HS6ST3: variants seen among roughly 807,000 people sequenced by gnomAD.
HS6ST3 encodes the protein heparan sulfate 6-O-sulfotransferase 3.
Under a neutral mutation model 36.7 loss-of-function variants are expected in HS6ST3, and 12 were observed. The observed-to-expected ratio is 0.33, with a 90% CI of 0.21 to 0.53. The LOEUF (loss-of-function observed/expected upper bound fraction) is 0.53, where lower values mean the gene tolerates loss of function less well. Ranked by LOEUF, HS6ST3 falls within the 20% of genes least tolerant of loss-of-function variation. The pLI is 0.95. For synonymous variants in HS6ST3, 240 were observed against 257.5 expected (o/e 0.93, Z 0.65); for missense variants, 584 against 640.9 (o/e 0.91, Z 0.96).
intron 1 of HS6ST3, among the ~76,000 whole-genome samples, chr13:96,609,265 C>A (rs1406902506): frequency 6.6e-6 from 1 of 151,946 alleles, no homozygotes; most frequent in Non-Finnish European, 1.5e-5. Flanking sequence ...CCACCACGGC[C>A]GGCCTCTTTT....
At chr13:96,509,976 C>T (rs1014440283) in intron 1 of HS6ST3, among the ~76,000 whole-genome samples, 5 of 152,148 alleles carry the variant, frequency 3.3e-5, no homozygotes, top group African/African-American at 9.6e-5. Context: ...AATCCATGAG[C>T]ATGGGATGTG....
intron 1 of HS6ST3, among the ~76,000 whole-genome samples, chr13:96,174,832 T>C (rs1385123717): frequency 3.3e-5 from 5 of 152,142 alleles, no homozygotes; most frequent in Admixed American, 3.3e-4. Context: ...TCAAAAGATA[T>C]TTCTCTCTCT....
At chr13:96,521,965 C>T (rs1276322850) in intron 1 of HS6ST3, among the ~76,000 whole-genome samples, 3 of 152,128 alleles carry the variant, frequency 2.0e-5, no homozygotes, top group Non-Finnish European at 4.4e-5. Flanking sequence ...TTCGATCTCT[C>T]CTGCTTTCTC....
chr13:96,323,530 T>G (rs1273033750), intron 1 of HS6ST3, among the ~76,000 whole-genome samples: 1 of 152,194 alleles, frequency 6.6e-6, no homozygotes, highest in Admixed American at 6.5e-5. Flanking sequence ...AGCCTCATAG[T>G]TCATGGCACT....
chr13:96,414,293 T>C (rs920923248), intron 1 of HS6ST3, among the ~76,000 whole-genome samples: 2 of 152,246 alleles, frequency 1.3e-5, no homozygotes, highest in African/African-American at 2.4e-5. Flanking sequence ...AATGATGTTA[T>C]TCATATTATT....
chr13:96,610,857 A>C (rs2056454763), intron 1 of HS6ST3, among the ~76,000 whole-genome samples: 1 of 151,504 alleles, frequency 6.6e-6, no homozygotes, highest in Non-Finnish European at 1.5e-5. Context: ...AAAAATGAAA[A>C]AAAAAAACAA....
intron 1 of HS6ST3, among the ~76,000 whole-genome samples, chr13:96,212,346 A>C (rs555030429): frequency 2.6e-4 from 39 of 152,362 alleles, no homozygotes; most frequent in Middle Eastern, 3.4e-3. Flanking sequence ...GATTATTTAA[A>C]TGTCTTCAAA....
At chr13:96,570,525 A>T (rs2056297281) in intron 1 of HS6ST3, among the ~76,000 whole-genome samples, 1 of 152,198 alleles carries the variant, frequency 6.6e-6, no homozygotes, top group Non-Finnish European at 1.5e-5. Context: ...GGGAGTTGAG[A>T]CTTTGGGTCT....
intron 1 of HS6ST3, among the ~76,000 whole-genome samples, chr13:96,644,473 C>T (rs2056581058): frequency 6.6e-6 from 1 of 151,992 alleles, no homozygotes; most frequent in Admixed American, 6.6e-5. Context: ...TAGCATTATA[C>T]AGGCAATAAA....
At chr13:96,331,852 C>T (rs970969264) in intron 1 of HS6ST3, among the ~76,000 whole-genome samples, 2 of 152,216 alleles carry the variant, frequency 1.3e-5, no homozygotes, top group Non-Finnish European at 2.9e-5. Context: ...GCGCAGGACC[C>T]TCCGAGCCAG....
At chr13:96,466,956 T>C (rs1222893243) in intron 1 of HS6ST3, among the ~76,000 whole-genome samples, 2 of 152,224 alleles carry the variant, frequency 1.3e-5, no homozygotes, top group Non-Finnish European at 2.9e-5. Flanking sequence ...GCAGGGATGT[T>C]AGTGTTAAAA....
At chr13:96,448,654 G>T (rs2055711183) in intron 1 of HS6ST3, among the ~76,000 whole-genome samples, 1 of 151,946 alleles carries the variant, frequency 6.6e-6, no homozygotes, top group Admixed American at 6.6e-5. Flanking sequence ...TAATACCCCT[G>T]CAATTTCTCT....
chr13:96,219,106 T>C (rs1299076263), intron 1 of HS6ST3, among the ~76,000 whole-genome samples: 1 of 151,806 alleles, frequency 6.6e-6, no homozygotes, highest in Non-Finnish European at 1.5e-5. Context: ...TTAAGACCCT[T>C]GCATACAGGC....
chr13:96,122,817 G>A (rs2053932568), intron 1 of HS6ST3, among the ~76,000 whole-genome samples: 1 of 152,086 alleles, frequency 6.6e-6, no homozygotes, highest in South Asian at 2.1e-4. Flanking sequence ...CAAATAGAAG[G>A]CTTCTGGGGG....
intron 1 of HS6ST3, chr13:96,574,258 C>A: frequency 2.4e-6 from 1 of 423,370 alleles, no homozygotes; most frequent in East Asian, 5.8e-5. Context: ...AGATAGGGGT[C>A]CATGGGATTT....
chr13:96,763,896 T>G (rs1212072985), intron 1 of HS6ST3, among the ~76,000 whole-genome samples: 2 of 152,232 alleles, frequency 1.3e-5, no homozygotes, highest in Non-Finnish European at 2.9e-5. Flanking sequence ...AATCTGTTTT[T>G]CAAGCATAAT....
intron 1 of HS6ST3, among the ~76,000 whole-genome samples, chr13:96,549,043 C>T (rs957166513): frequency 1.3e-5 from 2 of 152,224 alleles, no homozygotes; most frequent in African/African-American, 2.4e-5. Context: ...CAAAGTTCTT[C>T]AACCTGAACC....
At chr13:96,308,377 A>G (rs1253443864) in intron 1 of HS6ST3, among the ~76,000 whole-genome samples, 2 of 152,108 alleles carry the variant, frequency 1.3e-5, no homozygotes, top group East Asian at 3.8e-4. Flanking sequence ...CTGGTACTGG[A>G]ACAATGCTTT....
chr13:96,712,541 A>G (rs1031830257), intron 1 of HS6ST3, among the ~76,000 whole-genome samples: 16 of 152,188 alleles, frequency 1.1e-4, no homozygotes, highest in African/African-American at 3.6e-4. Context: ...CCAAATAACA[A>G]GATAATAAAC....
Sources: allele counts gnomAD v4.1 joint callset (sites outside exome capture counted in the v4.1 genomes callset), GRCh38; gene constraint gnomAD v4.1.1; transcripts MANE v1.5; gene names NCBI Gene and HGNC (gene_info 2026-07-23, HGNC 2026-07-21).